Variants in EBF1 observed in about 807,000 individuals in gnomAD.
EBF1 encodes the protein EBF transcription factor 1, also known as transcription factor COE1.
Under a neutral mutation model 68.4 loss-of-function variants are expected in EBF1, and 10 were observed. The observed-to-expected ratio is 0.15, with a 90% CI of 0.09 to 0.25. The LOEUF is 0.25. Among genes scored for constraint, EBF1 ranks in the 10% least tolerant of loss-of-function variants. EBF1 has a pLI of 1.00. For missense variants in EBF1, 509 were observed against 794.4 expected, an observed-to-expected ratio of 0.64 and a Z score of 4.32; for synonymous variants, 298 against 299.8, an observed-to-expected ratio of 0.99 and a Z score of 0.06.
At chr5:158,738,932 A>C (rs905108573) in intron 10 of EBF1, among the ~76,000 whole-genome samples, 1 of 152,212 alleles carries the variant, frequency 6.6e-6, no homozygotes, top group African/African-American at 2.4e-5. Context: ...CATTTTACAC[A>C]TGAACAAGCC....
chr5:159,052,669 G>A (rs1774004348), intron 6 of EBF1, among the ~76,000 whole-genome samples: 3 of 152,198 alleles, frequency 2.0e-5, no homozygotes, highest in African/African-American at 4.8e-5. Flanking sequence ...TTTACCATGA[G>A]AATTTGGAGC....
intron 6 of EBF1, among the ~76,000 whole-genome samples, chr5:158,853,594 C>T (rs1053012157): frequency 6.6e-6 from 1 of 152,042 alleles, no homozygotes. Context: ...TTACATCATA[C>T]AATGCCCTCC....
At chr5:158,912,211 T>C (rs1806139090) in intron 6 of EBF1, among the ~76,000 whole-genome samples, 1 of 152,180 alleles carries the variant, frequency 6.6e-6, no homozygotes, top group African/African-American at 2.4e-5. Flanking sequence ...AAGATTCCCA[T>C]TTCTGCACAA....
At chr5:158,712,104 A>T (rs1397657810) in intron 14 of EBF1, 50 bp downstream of exon 14, 1 of 1,600,472 alleles carries the variant, frequency 6.2e-7, no homozygotes, top group Admixed American at 1.7e-5. Context: ...CATGATGCCA[A>T]GTTCTTCTAG....
chr5:158,907,901 C>T (rs935493797), intron 6 of EBF1, among the ~76,000 whole-genome samples: 4 of 151,848 alleles, frequency 2.6e-5, no homozygotes, highest in African/African-American at 7.3e-5. Context: ...AAACTGCTCC[C>T]GACACCACTA....
intron 7 of EBF1, among the ~76,000 whole-genome samples, chr5:158,831,302 A>C (rs1463067697): frequency 6.6e-6 from 1 of 152,174 alleles, no homozygotes; most frequent in African/African-American, 2.4e-5. Flanking sequence ...CCAGAGTCAG[A>C]TGATCCTGAA....
At chr5:158,809,228 A>G (rs1476318316) in intron 8 of EBF1, among the ~76,000 whole-genome samples, 1 of 152,140 alleles carries the variant, frequency 6.6e-6, no homozygotes, top group Non-Finnish European at 1.5e-5. Context: ...ATTATTCTTT[A>G]TATCAACCTT....
chr5:159,024,798 C>G (rs1412256571), intron 6 of EBF1, among the ~76,000 whole-genome samples: 2 of 152,186 alleles, frequency 1.3e-5, no homozygotes, highest in Non-Finnish European at 2.9e-5. Context: ...TAACCAGAAG[C>G]ATTCTCCATA....
intron 6 of EBF1, among the ~76,000 whole-genome samples, chr5:158,864,836 G>C (rs1050729613): frequency 6.6e-6 from 1 of 152,172 alleles, no homozygotes; most frequent in Non-Finnish European, 1.5e-5. Flanking sequence ...GCAGCACAGT[G>C]AGCGAGGAGG....
intron 10 of EBF1, among the ~76,000 whole-genome samples, chr5:158,772,451 C>G (rs1161158350): frequency 6.6e-6 from 1 of 152,132 alleles, no homozygotes; most frequent in Non-Finnish European, 1.5e-5. Flanking sequence ...AATAAGAGAA[C>G]AAGCATGTGT....
chr5:158,935,407 A>G (rs1811789628), intron 6 of EBF1, among the ~76,000 whole-genome samples: 1 of 152,220 alleles, frequency 6.6e-6, no homozygotes, highest in South Asian at 2.1e-4. Flanking sequence ...CTGGGGAGCC[A>G]TGGGCACAGG....
At chr5:158,840,673 GTTTTTTTTTTTT>G (rs1554157163) in intron 6 of EBF1, among the ~76,000 whole-genome samples, 6 of 68,948 alleles carry the variant, frequency 8.7e-5, no homozygotes, top group African/African-American at 3.2e-4. Flanking sequence ...TTTTTTTTTT[GTTTTTTTTTTTT>G]TTTTGAGACG....
At chr5:158,723,816 G>C (rs1284199731) in intron 11 of EBF1, among the ~76,000 whole-genome samples, 2 of 152,122 alleles carry the variant, frequency 1.3e-5, no homozygotes, top group Non-Finnish European at 2.9e-5. Flanking sequence ...ATAACTTAAA[G>C]AGGTGAGAAT....
chr5:159,067,346 G>A (rs1259188069), intron 6 of EBF1, among the ~76,000 whole-genome samples: 4 of 152,096 alleles, frequency 2.6e-5, no homozygotes, highest in African/African-American at 9.7e-5. Context: ...CCTACACCAC[G>A]GGCTGATACC....
chr5:158,699,957 A>C (rs1406525633), intron 15 of EBF1, among the ~76,000 whole-genome samples: 1 of 152,250 alleles, frequency 6.6e-6, no homozygotes, highest in Non-Finnish European at 1.5e-5. Flanking sequence ...AGAATCAGAT[A>C]GGCCTGAGTC....
At chr5:159,099,245 C>A in intron 1 of EBF1, 100 bp downstream of exon 1, 1 of 1,027,712 alleles carries the variant, frequency 9.7e-7, no homozygotes, top group Non-Finnish European at 1.2e-6. Context: ...CACCCCGCCG[C>A]CCGGCCCCGC....
chr5:159,074,972 C>T (rs1276288691), intron 5 of EBF1, among the ~76,000 whole-genome samples: 1 of 152,126 alleles, frequency 6.6e-6, no homozygotes, highest in East Asian at 1.9e-4. Flanking sequence ...GAAATGCATG[C>T]CAGAAAATAC....
At chr5:158,924,427 A>G (rs1809128156) in intron 6 of EBF1, among the ~76,000 whole-genome samples, 1 of 152,176 alleles carries the variant, frequency 6.6e-6, no homozygotes, top group Non-Finnish European at 1.5e-5. Context: ...AATCTCCTTC[A>G]TTTGTTCAAC....
chr5:158,751,151 T>C lies in EBF1; in HGVS notation c.1037-19994A>G, dbSNP rs566793878. Among the ~76,000 whole-genome samples the C allele has an allele frequency of 1.3e-4, 20 of 152,280 alleles. No homozygotes were observed. The South Asian group carries it at 3.7e-3, about 28-fold the overall frequency. On this transcript the variant is annotated intron_variant, in intron 10 of 15. Transcript: ENST00000313708. ...TGTATAGAAAAATATGAAAGAAATA[T>C]ACAAAAATCTTTTTAGTGGTCAACT...
Sources: gnomAD v4.1 joint callset for allele counts (sites outside exome capture counted in the v4.1 genomes callset) on GRCh38, gnomAD v4.1.1 for gene constraint, MANE v1.5 for transcripts, NCBI Gene and HGNC (gene_info 2026-07-23, HGNC 2026-07-21) for gene names.